Variants in MMP16 observed in about 807,000 individuals in gnomAD.
The protein encoded by MMP16 is matrix metalloproteinase-16.
A neutral mutation model predicts 67.8 loss-of-function variants in MMP16; 12 were observed. The ratio of observed to expected loss-of-function variants is 0.18; its 90% CI spans 0.11 to 0.29. The LOEUF is 0.29. MMP16 is among the 10% of genes least tolerant of loss of function. The pLI, the probability that MMP16 is intolerant of heterozygous loss-of-function variation, is 1.00. For synonymous variants in MMP16, 249 were observed against 255.9 expected (o/e 0.97, Z 0.26); for missense variants, 475 against 765.7 (o/e 0.62, Z 4.48).
chr8:88,325,217 CT>C (rs1352488319), intron 1 of MMP16, among the ~76,000 whole-genome samples: 2 of 152,148 alleles, frequency 1.3e-5, no homozygotes, highest in African/African-American at 4.8e-5. Context: ...ACAATCATAA[CT>C]TTTTTGCATA....
chr8:88,093,120 A>T (rs1042939842), intron 6 of MMP16, among the ~76,000 whole-genome samples: 1 of 151,872 alleles, frequency 6.6e-6, no homozygotes, highest in African/African-American at 2.4e-5. Flanking sequence ...GGACTTTAAT[A>T]CTACCCAGGG....
chr8:88,208,727 G>A (rs143375360), intron 1 of MMP16, among the ~76,000 whole-genome samples: 25 of 149,826 alleles, frequency 1.7e-4, no homozygotes, highest in African/African-American at 5.1e-4. Flanking sequence ...ATTCTTGCTG[G>A]AGAAAACTGT....
intron 4 of MMP16, among the ~76,000 whole-genome samples, chr8:88,138,489 C>T (rs1034596154): frequency 6.6e-6 from 1 of 151,936 alleles, no homozygotes; most frequent in Non-Finnish European, 1.5e-5. Context: ...TTTGGTAAAA[C>T]CTTGAAAGGA....
intron 1 of MMP16, among the ~76,000 whole-genome samples, chr8:88,230,530 ATT>A (rs1401824953): frequency 2.7e-5 from 1 of 37,618 alleles, no homozygotes; most frequent in African/African-American, 9.2e-5. Flanking sequence ...CACTGGATCA[ATT>A]TTCTTTTTTT....
At chr8:88,093,154 C>T (rs770216154) in intron 6 of MMP16, among the ~76,000 whole-genome samples, 4 of 151,870 alleles carry the variant, frequency 2.6e-5, no homozygotes, top group Admixed American at 2.0e-4. Flanking sequence ...GAAAACTTAA[C>T]ACATGTAACA....
At chr8:88,194,075 C>T (rs958241672) in intron 2 of MMP16, among the ~76,000 whole-genome samples, 4 of 151,564 alleles carry the variant, frequency 2.6e-5, no homozygotes, top group African/African-American at 9.7e-5. Context: ...AATATTAAGG[C>T]AATATTATAT....
intron 1 of MMP16, among the ~76,000 whole-genome samples, chr8:88,259,658 A>T (rs555210168): frequency 6.6e-6 from 1 of 152,262 alleles, no homozygotes; most frequent in African/African-American, 2.4e-5. Flanking sequence ...GGGAAGGGGA[A>T]GGGATTCCCA....
rs73287084 is a variant in MMP16, at chr8:88,173,974, A to G, written c.405-6001T>C. Among the ~76,000 whole-genome samples, 803 of 152,238 alleles carry G rather than the reference A, an allele frequency of 5.3e-3. 2 individuals carry two copies. Among genetic ancestry groups the G allele is most frequent in the African/African-American group, 0.018 (749 of 41,546 alleles). On this transcript the variant is annotated intron_variant, in intron 3 of 9. Coordinates refer to ENST00000286614, the MANE Select transcript of MMP16 (RefSeq NM_005941.5). ...GAAACACAAGTTGAGTTCTCTTTGA[A>G]CTCAACAGGATCATCAAGTTCAATG...
intron 3 of MMP16, 27 bp from the exon 4 acceptor site, chr8:88,168,000 G>A (rs778162444): frequency 1.3e-6 from 2 of 1,530,690 alleles, no homozygotes; most frequent in East Asian, 2.3e-5. Context: ...ATAATCATCA[G>A]TATTGTTATG....
At position 88,173,276 on chromosome 8, in the gene MMP16, T is replaced by C. The variant is rs1266392921; in HGVS notation, c.405-5303A>G. 5.3e-5 allele frequency among the ~76,000 whole-genome samples: 8 copies of C among 152,280 alleles called. No homozygotes were observed. The East Asian group carries it at 1.5e-3, about 29-fold the overall frequency. On this transcript the variant is annotated intron_variant, in intron 3 of 9. Coordinates refer to ENST00000286614, the MANE Select transcript of MMP16 (RefSeq NM_005941.5). ...CATGTTGCCCAGGATGGTCTTGAAT[T>C]CCTAGGCTCAAGCGATTCACTCACC...
At chr8:88,284,081 A>G (rs1810785462) in intron 1 of MMP16, among the ~76,000 whole-genome samples, 1 of 152,206 alleles carries the variant, frequency 6.6e-6, no homozygotes, top group Non-Finnish European at 1.5e-5. Context: ...TGTCACAAAA[A>G]TTGCTTGATG....
chr8:88,065,110 C>G (rs936953825), intron 7 of MMP16, among the ~76,000 whole-genome samples: 1 of 152,048 alleles, frequency 6.6e-6, no homozygotes, highest in Non-Finnish European at 1.5e-5. Flanking sequence ...AGCTTGGCAT[C>G]GGGTTCACCA....
At chr8:88,220,200 T>A (rs1325388028) in intron 1 of MMP16, among the ~76,000 whole-genome samples, 2 of 152,160 alleles carry the variant, frequency 1.3e-5, no homozygotes, top group East Asian at 3.9e-4. Context: ...TTTCTTAATA[T>A]CTTCAATATC....
In MMP16 at chr8:88,312,980, A is replaced by G. The variant is rs376930494; in HGVS notation, c.132+14095T>C. 2.1e-4 allele frequency among the ~76,000 whole-genome samples: 31 copies of G among 148,674 alleles called. 1 individual carries two copies. The highest frequency in any genetic ancestry group is 3.5e-3 in the Middle Eastern group (1 of 284). On this transcript the variant is annotated intron_variant, in intron 1 of 9. Transcript: ENST00000286614. ...TAAAGAGCAAATCTCTGTCTCAAAAACAAAAACAAAAAAAGGTGAGTGTCC... is the reference window on the plus strand; with the variant it reads ...TAAAGAGCAAATCTCTGTCTCAAAAGCAAAAACAAAAAAAGGTGAGTGTCC...
chr8:88,051,681 G>A (rs530617412), intron 8 of MMP16, among the ~76,000 whole-genome samples: 14 of 151,944 alleles, frequency 9.2e-5, no homozygotes, highest in African/African-American at 3.1e-4. Flanking sequence ...AGAAATAAAC[G>A]TATTTTTCTA....
At chr8:88,318,675 T>C (rs1811409746) in intron 1 of MMP16, among the ~76,000 whole-genome samples, 1 of 152,200 alleles carries the variant, frequency 6.6e-6, no homozygotes, top group Admixed American at 6.5e-5. Flanking sequence ...CTTCAAACCC[T>C]GTGTTGCAGA....
At chr8:88,292,493 A>G (rs1171039351) in intron 1 of MMP16, among the ~76,000 whole-genome samples, 16 of 152,218 alleles carry the variant, frequency 1.1e-4, no homozygotes, top group Admixed American at 1.0e-3. Flanking sequence ...ACAGTCTTGA[A>G]ATAATACTGG....
chr8:88,260,123 A>C (rs1329040444), intron 1 of MMP16, among the ~76,000 whole-genome samples: 2 of 152,206 alleles, frequency 1.3e-5, no homozygotes, highest in Non-Finnish European at 2.9e-5. Context: ...TATACCAGTA[A>C]GAAGACATGA....
chr8:88,080,496 C>A (rs948408070), intron 6 of MMP16, among the ~76,000 whole-genome samples: 1 of 152,100 alleles, frequency 6.6e-6, no homozygotes. Context: ...AGTGCAGTGG[C>A]ATGATCTCGG....
Sources: gnomAD v4.1 joint callset for allele counts (sites outside exome capture counted in the v4.1 genomes callset) on GRCh38, gnomAD v4.1.1 for gene constraint, MANE v1.5 for transcripts, NCBI Gene and HGNC (gene_info 2026-07-23, HGNC 2026-07-21) for gene names.